The following PAPPA variants were observed in gnomAD, a reference collection of about 807,000 sequenced individuals.
PAPPA encodes pappalysin 1, also known as pappalysin-1.
In PAPPA, 60 loss-of-function variants were observed where a neutral mutation model predicts 164.0. The observed-to-expected ratio is 0.37, with a 90% CI of 0.30 to 0.45. The LOEUF (loss-of-function observed/expected upper bound fraction) is 0.45, where lower values mean the gene tolerates loss of function less well. Among genes scored for constraint, PAPPA ranks in the 20% least tolerant of loss-of-function variants. The pLI is 1.00. For synonymous variants in PAPPA, 875 were observed against 814.1 expected (o/e 1.07, Z -1.27); for missense variants, 1,782 against 2,087.3 (o/e 0.85, Z 2.85).
intron 13 of PAPPA, among the ~76,000 whole-genome samples, chr9:116,336,932 A>C (rs1319914394): frequency 6.6e-6 from 1 of 152,196 alleles, no homozygotes; most frequent in African/African-American, 2.4e-5. Flanking sequence ...CCCTTAATAG[A>C]AAGGAACATT....
chr9:116,334,596 G>C (rs1018140182), intron 12 of PAPPA, among the ~76,000 whole-genome samples: 9 of 152,102 alleles, frequency 5.9e-5, no homozygotes, highest in African/African-American at 1.9e-4. Context: ...GTGGCCATTT[G>C]GGGGAGGGAG....
intron 9 of PAPPA, among the ~76,000 whole-genome samples, chr9:116,279,442 A>AC (rs1273707484): frequency 6.6e-6 from 1 of 152,040 alleles, no homozygotes; most frequent in Non-Finnish European, 1.5e-5. Flanking sequence ...TCCTTTGGAA[A>AC]CCCGGGAGGC....
Position 116,399,912 on chromosome 9 carries a change from C to A in PAPPA, c.*3296C>A, listed in dbSNP as rs892016766. The A allele has an allele frequency of 6.6e-6, 1 of 152,554 alleles. No homozygotes were observed. The highest frequency in any genetic ancestry group is 2.1e-4 in the South Asian group (1 of 4,824). 9.5% of individuals were successfully genotyped at this position (152,554 alleles called of 1,614,324 possible). A position where few individuals can be genotyped will look rare whatever the true frequency, so the allele number is the denominator to read the frequency against. ...TCCCATCCTGGCCAATGCTTAAATA[C>A]TATTTGTTGAAAATAATTCTTTGAG... On this transcript the variant is annotated 3_prime_UTR_variant, in exon 22 of 22. Transcript: ENST00000328252.
chr9:116,312,386 C>T (rs1195591384), intron 10 of PAPPA, among the ~76,000 whole-genome samples: 2 of 149,566 alleles, frequency 1.3e-5, no homozygotes, highest in Non-Finnish European at 3.0e-5. Flanking sequence ...ATGTTCTGTA[C>T]CCAAGAAACA....
At chr9:116,380,684 C>A (rs1846719619) in intron 20 of PAPPA, among the ~76,000 whole-genome samples, 1 of 152,206 alleles carries the variant, frequency 6.6e-6, no homozygotes, top group Non-Finnish European at 1.5e-5. Context: ...ACACCTGAAC[C>A]CACAGCCATA....
chr9:116,261,910 T>TTTTGTTTTG (rs1211198665), intron 7 of PAPPA, among the ~76,000 whole-genome samples: 5 of 151,820 alleles, frequency 3.3e-5, no homozygotes, highest in African/African-American at 9.7e-5. Context: ...TTTTGTTTTG[T>TTTTGTTTTG]TTAAAAAAAA....
intron 9 of PAPPA, among the ~76,000 whole-genome samples, chr9:116,295,322 G>A (rs148883240): frequency 2.5e-4 from 38 of 151,934 alleles, no homozygotes; most frequent in Middle Eastern, 3.4e-3. Flanking sequence ...GAGGCTGAAC[G>A]GGGGGTGGAT....
At chr9:116,269,386 T>A (rs1246758067) in intron 8 of PAPPA, among the ~76,000 whole-genome samples, 1 of 152,212 alleles carries the variant, frequency 6.6e-6, no homozygotes, top group Non-Finnish European at 1.5e-5. Context: ...AAGGAGTGGC[T>A]GCATGCTGTC....
intron 18 of PAPPA, among the ~76,000 whole-genome samples, chr9:116,366,664 C>A (rs983076916): frequency 1.3e-5 from 2 of 152,186 alleles, no homozygotes; most frequent in African/African-American, 4.8e-5. Context: ...GTGCCAAGCT[C>A]TGGACATAGA....
intron 9 of PAPPA, chr9:116,285,746 C>T (rs947568720): frequency 1.1e-4 from 16 of 152,208 alleles, no homozygotes; most frequent in African/African-American, 3.9e-4. Flanking sequence ...TTTAATTCAT[C>T]TGATTTCCCA....
chr9:116,265,062 G>A (rs1050663612), intron 7 of PAPPA, among the ~76,000 whole-genome samples: 3 of 152,130 alleles, frequency 2.0e-5, no homozygotes, highest in Admixed American at 1.3e-4. Context: ...TTTGCAAGGG[G>A]TGAGGTTATT....
intron 19 of PAPPA, 46 bp downstream of exon 19, chr9:116,367,800 A>G (rs1390533657): frequency 7.7e-7 from 1 of 1,299,084 alleles, no homozygotes; most frequent in Non-Finnish European, 1.1e-6. Context: ...AGGGGGAGGG[A>G]AATGATATTG....
chr9:116,332,481 T>C lies in PAPPA; in HGVS notation c.3397+13T>C. 6.2e-7 allele frequency: 1 copy of C among 1,603,132 alleles called. No homozygotes were observed. Among genetic ancestry groups the C allele is most frequent in the Non-Finnish European group, 8.5e-7 (1 of 1,171,022 alleles). On this transcript the variant is annotated intron_variant, in intron 12 of 21. Transcript: ENST00000328252. ...AGCCACGATCTAGGTAAGCATGCTCTCTTGGTCTTGGCTTGCTTTCAGTAC... is the reference window on the plus strand; with the variant it reads ...AGCCACGATCTAGGTAAGCATGCTCCCTTGGTCTTGGCTTGCTTTCAGTAC...
chr9:116,162,411 TG>T (rs1273867286), intron 1 of PAPPA, among the ~76,000 whole-genome samples: 3 of 152,164 alleles, frequency 2.0e-5, no homozygotes, highest in Non-Finnish European at 4.4e-5. Flanking sequence ...CCTAACTACC[TG>T]GAGAGCAATT....
chr9:116,248,148 C>T (rs1471903574), intron 7 of PAPPA, among the ~76,000 whole-genome samples: 4 of 152,154 alleles, frequency 2.6e-5, no homozygotes, highest in African/African-American at 9.7e-5. Context: ...AAGCAGTTTC[C>T]CGTAAACTCT....
At chr9:116,157,040 G>A (rs1029800317) in intron 1 of PAPPA, among the ~76,000 whole-genome samples, 5 of 152,194 alleles carry the variant, frequency 3.3e-5, no homozygotes, top group South Asian at 2.1e-4. Context: ...AGCAGTCATC[G>A]CTCAGCAGGG....
chr9:116,271,438 T>C lies in PAPPA; in HGVS notation c.2953+22T>C, dbSNP rs1226816686. 2.0e-6 allele frequency: 3 copies of C among 1,526,804 alleles called. No individual in the cohort carries two copies. The highest frequency in any genetic ancestry group is 2.7e-6 in the Non-Finnish European group (3 of 1,100,170). The allele number at this position is 1,526,804 out of a possible 1,614,324, so 94.6% of individuals were successfully genotyped here. A position where few individuals can be genotyped will look rare whatever the true frequency, so the allele number is the denominator to read the frequency against. ...ATTGGTACGTCTTTTTCATTTCTTG[T>C]GGCCTTCATGAAGAAATGAACGGTG... On this transcript the variant is annotated intron_variant, in intron 9 of 21. Coordinates refer to ENST00000328252, the MANE Select transcript of PAPPA (RefSeq NM_002581.5). This position sits in a 1 kb window ranked among gnomAD's most constrained non-coding sequence, Gnocchi z 4.2.
At chr9:116,183,178 G>T (rs1843927157) in intron 1 of PAPPA, among the ~76,000 whole-genome samples, 1 of 152,078 alleles carries the variant, frequency 6.6e-6, no homozygotes, top group African/African-American at 2.4e-5. Context: ...AGACGTGGGG[G>T]TTCTTTTGTG....
intron 10 of PAPPA, among the ~76,000 whole-genome samples, chr9:116,312,949 G>T (rs1009847365): frequency 6.6e-6 from 1 of 151,954 alleles, no homozygotes; most frequent in African/African-American, 2.4e-5. Flanking sequence ...TGGGCGTGGT[G>T]GTGGGTACCT....
Sources: gnomAD v4.1 joint callset for allele counts (sites outside exome capture counted in the v4.1 genomes callset) on GRCh38, gnomAD v4.1.1 for gene constraint, Gnocchi (gnomAD v3.1) non-coding constraint, MANE v1.5 for transcripts, NCBI Gene and HGNC (gene_info 2026-07-23, HGNC 2026-07-21) for gene names.